The following CACNA1D variants were observed in gnomAD, a reference collection of about 807,000 sequenced individuals.
The protein encoded by CACNA1D is calcium voltage-gated channel subunit alpha1 D.
A neutral mutation model predicts 257.1 loss-of-function variants in CACNA1D; 55 were observed. The observed-to-expected ratio is 0.21, with a 90% confidence interval of 0.17 to 0.27. The LOEUF is 0.27. Ranked by LOEUF, CACNA1D falls within the 10% of genes least tolerant of loss-of-function variation. CACNA1D has a pLI of 1.00. For missense variants in CACNA1D, 1,876 were observed against 2,784.0 expected, an observed-to-expected ratio of 0.67 and a Z score of 7.34; for synonymous variants, 980 against 1,014.9, an observed-to-expected ratio of 0.97 and a Z score of 0.65.
chr3:53,803,818 G>C (rs1408344922), intron 44 of CACNA1D, among the ~76,000 whole-genome samples: 3 of 152,250 alleles, frequency 2.0e-5, no homozygotes, highest in Admixed American at 6.5e-5. Flanking sequence ...TTTTAGTGAA[G>C]GCTTGGGAAA....
At chr3:53,562,655 C>T (rs531066857) in intron 3 of CACNA1D, among the ~76,000 whole-genome samples, 2 of 97,198 alleles carry the variant, frequency 2.1e-5, no homozygotes, top group South Asian at 8.2e-4. Flanking sequence ...ATAAATGCCT[C>T]CCCCCCCAAA....
At chr3:53,516,777 G>A (rs552671830) in intron 3 of CACNA1D, among the ~76,000 whole-genome samples, 4 of 152,314 alleles carry the variant, frequency 2.6e-5, no homozygotes, top group South Asian at 4.1e-4. Flanking sequence ...CTATCTGGAC[G>A]ACAAGCCATA....
intron 3 of CACNA1D, among the ~76,000 whole-genome samples, chr3:53,626,174 G>A (rs753693756): frequency 1.3e-5 from 2 of 152,190 alleles, no homozygotes; most frequent in South Asian, 2.1e-4. Flanking sequence ...ACTCCCACTG[G>A]TGTAGTGTGG....
At chr3:53,588,809 A>G (rs912235801) in intron 3 of CACNA1D, among the ~76,000 whole-genome samples, 2 of 152,232 alleles carry the variant, frequency 1.3e-5, no homozygotes, top group Non-Finnish European at 2.9e-5. Flanking sequence ...TTTGTGATTC[A>G]TTGAGTTGAA....
intron 3 of CACNA1D, among the ~76,000 whole-genome samples, chr3:53,565,458 G>T (rs1311781273): frequency 6.6e-6 from 1 of 152,146 alleles, no homozygotes; most frequent in Non-Finnish European, 1.5e-5. Flanking sequence ...AGTGGCTTGA[G>T]CTCTATTTAT....
chr3:53,587,107 C>T (rs952556189), intron 3 of CACNA1D, among the ~76,000 whole-genome samples: 5 of 152,112 alleles, frequency 3.3e-5, no homozygotes, highest in Admixed American at 3.3e-4. Context: ...TGTGAGAAGC[C>T]ACTAAAGGGT....
At position 53,727,062 on chromosome 3, in the gene CACNA1D, C is replaced by T. The variant is rs573780139; in HGVS notation, c.2221+63C>T. The T allele has an allele frequency of 3.4e-4, 545 of 1,590,854 alleles. 1 individual carries two copies. The African/African-American group carries it at 5.8e-3, about 17-fold the overall frequency. ...GTTATCTGGTTTTGTTTTTCTTCCT[C>T]TGCATTTCTCTGTGGTGATGGTGGT... On this transcript the variant is annotated intron_variant, in intron 15 of 47. Coordinates refer to ENST00000350061, the MANE Select transcript of CACNA1D (RefSeq NM_001128840.3).
Position 53,660,232 on chromosome 3 carries a change from C to T in CACNA1D, c.723C>T (p.Ala241=), listed in dbSNP as rs745818891. The change falls in exon 5 of 48, where the codon GCC becomes GCT. Residue 241 remains alanine, a synonymous_variant. Transcript: ENST00000350061. ...GCTTTGATGTCAAAGCCCTCCGTGC[C>T]TTTCGAGTGTTGCGACCACTTCGAC... ...SGGFDVKALR[A]FRVLRPLRLV... The T allele has an allele frequency of 4.2e-5, 68 of 1,613,998 alleles. 2 individuals carry two copies. In the South Asian group the frequency reaches 7.2e-4, roughly 17 times the overall value.
chr3:53,562,579 G>A (rs75840374), intron 3 of CACNA1D, among the ~76,000 whole-genome samples: 32,511 of 151,968 alleles, frequency 0.21, 3,979 homozygotes, highest in Middle Eastern at 0.31. Context: ...GTACAATTTG[G>A]TGATTTTTAG....
intron 9 of CACNA1D, among the ~76,000 whole-genome samples, chr3:53,705,882 A>G (rs2094683336): frequency 6.6e-6 from 1 of 152,210 alleles, no homozygotes; most frequent in African/African-American, 2.4e-5. Flanking sequence ...CCAGAAAACC[A>G]CACAAGGAGA....
intron 15 of CACNA1D, 117 bp from the exon 16 acceptor site, chr3:53,730,325 C>T: frequency 2.7e-6 from 2 of 736,678 alleles, no homozygotes; most frequent in South Asian, 2.9e-5. Flanking sequence ...GAGTATAACA[C>T]TTGGGACGGT....
chr3:53,658,056 A>T (rs780594663), intron 4 of CACNA1D, among the ~76,000 whole-genome samples: 1 of 152,206 alleles, frequency 6.6e-6, no homozygotes, highest in Non-Finnish European at 1.5e-5. Flanking sequence ...GTGACTCCTC[A>T]TTCTGGTGCT....
intron 3 of CACNA1D, among the ~76,000 whole-genome samples, chr3:53,505,785 C>T (rs1425166854): frequency 6.6e-6 from 1 of 152,214 alleles, no homozygotes; most frequent in Non-Finnish European, 1.5e-5. Flanking sequence ...AAATTTTGTA[C>T]TCTGGTTCCA....
intron 1 of CACNA1D, among the ~76,000 whole-genome samples, chr3:53,496,355 G>T (rs1251209762): frequency 6.6e-6 from 1 of 152,194 alleles, no homozygotes; most frequent in Non-Finnish European, 1.5e-5. Context: ...TCCCTCTTAG[G>T]CCTGGAGGCC....
chr3:53,575,385 G>T (rs541910968), intron 3 of CACNA1D, among the ~76,000 whole-genome samples: 293 of 152,276 alleles, frequency 1.9e-3, no homozygotes, highest in African/African-American at 6.9e-3. Context: ...CAGGGTGTGG[G>T]GTGGGGGCAT....
At chr3:53,578,002 CT>C in intron 3 of CACNA1D, among the ~76,000 whole-genome samples, 1 of 152,230 alleles carries the variant, frequency 6.6e-6, no homozygotes, top group East Asian at 1.9e-4. Context: ...ACTTAATCTG[CT>C]TTTTGTCATT....
intron 3 of CACNA1D, among the ~76,000 whole-genome samples, chr3:53,529,515 T>C (rs564797505): frequency 6.6e-6 from 1 of 152,298 alleles, no homozygotes; most frequent in South Asian, 2.1e-4. Flanking sequence ...GCTGGACTCA[T>C]AATGTGAGAA....
At chr3:53,727,135 A>C in intron 15 of CACNA1D, 136 bp downstream of exon 15, 1 of 1,013,322 alleles carries the variant, frequency 9.9e-7, no homozygotes, top group Non-Finnish European at 1.6e-6. Flanking sequence ...TATTAGCTCA[A>C]TATCTGCTTT....
intron 30 of CACNA1D, among the ~76,000 whole-genome samples, chr3:53,764,431 C>T (rs2095321212): frequency 6.6e-6 from 1 of 152,210 alleles, no homozygotes; most frequent in African/African-American, 2.4e-5. Flanking sequence ...TACAATAAAC[C>T]AGCAGCAGGG....
Sources: gnomAD v4.1 joint callset for allele counts (sites outside exome capture counted in the v4.1 genomes callset) on GRCh38, gnomAD v4.1.1 for gene constraint, MANE v1.5 for transcripts, NCBI Gene and HGNC (gene_info 2026-07-23, HGNC 2026-07-21) for gene names.